Variants in KITLG observed in about 807,000 individuals in gnomAD.
KITLG encodes the protein KIT ligand.
KITLG carries 13 observed loss-of-function variants against 34.1 expected under a neutral mutation model. The observed-to-expected ratio is 0.38, with a 90% CI of 0.25 to 0.61. The LOEUF (loss-of-function observed/expected upper bound fraction) is 0.61, where lower values mean the gene tolerates loss of function less well. Among genes scored for constraint, KITLG ranks in the 20% least tolerant of loss-of-function variants. The pLI, the probability that KITLG is intolerant of heterozygous loss-of-function variation, is 0.60. For synonymous variants in KITLG, 110 were observed against 104.0 expected (o/e 1.06, Z -0.35); for missense variants, 292 against 318.9 (o/e 0.92, Z 0.64).
At chr12:88,534,525 C>G (rs893601783) in intron 2 of KITLG, among the ~76,000 whole-genome samples, 12 of 151,974 alleles carry the variant, frequency 7.9e-5, no homozygotes, top group African/African-American at 2.9e-4. Flanking sequence ...CACCACTACA[C>G]CTGGCTAATT....
intron 3 of KITLG, among the ~76,000 whole-genome samples, chr12:88,529,884 A>G (rs1033852234): frequency 6.6e-6 from 1 of 152,188 alleles, no homozygotes; most frequent in African/African-American, 2.4e-5. Flanking sequence ...GGCCAAGAAG[A>G]ACAGTGTTTC....
rs1036423584 is a variant in KITLG, at chr12:88,545,621, C to T, written c.129+131G>A. On this transcript the variant is annotated intron_variant, in intron 2 of 9. Coordinates refer to ENST00000644744, the MANE Select transcript of KITLG (RefSeq NM_000899.5). The stretch of plus-strand genomic sequence containing the variant: ...TTTCTATAAACCCTTTATTGTAACC[C>T]AGTGATTACTTTCCCCACTTTAGGA... 4 of 619,200 alleles carry T rather than the reference C, an allele frequency of 6.5e-6. No individual in the cohort carries two copies. The African/African-American group carries it at 7.4e-5, about 11-fold the overall frequency. 38.4% of individuals were successfully genotyped at this position (619,200 alleles called of 1,614,324 possible). A position where few individuals can be genotyped will look rare whatever the true frequency, so the allele number is the denominator to read the frequency against.
At chr12:88,523,036 TTAATC>T (rs1247649089) in intron 3 of KITLG, among the ~76,000 whole-genome samples, 1 of 152,206 alleles carries the variant, frequency 6.6e-6, no homozygotes, top group Non-Finnish European at 1.5e-5. Flanking sequence ...TCTAATCTGA[TTAATC>T]TAAATACCAG....
At chr12:88,526,551 C>A (rs570301204) in intron 3 of KITLG, among the ~76,000 whole-genome samples, 2 of 152,166 alleles carry the variant, frequency 1.3e-5, no homozygotes, top group African/African-American at 4.8e-5. Flanking sequence ...TAATGCAGAG[C>A]AAAAAGAATA....
intron 6 of KITLG, among the ~76,000 whole-genome samples, chr12:88,515,070 A>C (rs2120831832): frequency 6.6e-6 from 1 of 151,970 alleles, no homozygotes; most frequent in Middle Eastern, 3.4e-3. Context: ...CGCAATAGTA[A>C]ATACTGATAT....
intron 1 of KITLG, among the ~76,000 whole-genome samples, chr12:88,552,862 T>C (rs192256044): frequency 2.1e-4 from 32 of 152,292 alleles, no homozygotes; most frequent in Admixed American, 2.1e-3. Context: ...CTAATCTCCC[T>C]GAGTATCCAT....
At chr12:88,552,171 T>C (rs1268751493) in intron 1 of KITLG, among the ~76,000 whole-genome samples, 1 of 151,110 alleles carries the variant, frequency 6.6e-6, no homozygotes, top group African/African-American at 2.4e-5. Flanking sequence ...TTCAAAATTA[T>C]GATAATTTTT....
At chr12:88,560,009 C>T (rs1056473740) in intron 1 of KITLG, among the ~76,000 whole-genome samples, 1 of 152,196 alleles carries the variant, frequency 6.6e-6, no homozygotes, top group Admixed American at 6.5e-5. Flanking sequence ...AAACAGAGAA[C>T]GTTATCAAAG....
chr12:88,548,795 G>A (rs956088668), intron 1 of KITLG, among the ~76,000 whole-genome samples: 1 of 152,202 alleles, frequency 6.6e-6, no homozygotes, highest in Admixed American at 6.5e-5. Context: ...TCCCTTGGAG[G>A]AAGTATAGAT....
chr12:88,498,885 T>C (rs1234844691), intron 9 of KITLG, among the ~76,000 whole-genome samples: 1 of 151,846 alleles, frequency 6.6e-6, no homozygotes, highest in Non-Finnish European at 1.5e-5. Flanking sequence ...AGAAAGACTC[T>C]CAAGAAAGAA....
At chr12:88,518,957 T>G (rs978588920) in intron 3 of KITLG, 90 bp from the exon 4 acceptor site, 1 of 1,150,954 alleles carries the variant, frequency 8.7e-7, no homozygotes, top group African/African-American at 1.5e-5. Context: ...TCGTTTTAGT[T>G]ACTCAAGTGA....
intron 2 of KITLG, among the ~76,000 whole-genome samples, chr12:88,537,450 G>A (rs535577791): frequency 1.6e-4 from 25 of 151,820 alleles, no homozygotes; most frequent in Admixed American, 3.9e-4. Flanking sequence ...AATAAAGATG[G>A]CAACAATAGA....
intron 1 of KITLG, among the ~76,000 whole-genome samples, chr12:88,560,235 T>C (rs1290101553): frequency 6.6e-6 from 1 of 152,232 alleles, no homozygotes; most frequent in East Asian, 1.9e-4. Context: ...TTTTGTTAAT[T>C]ACAGTTAATA....
chr12:88,532,545 A>G, intron 2 of KITLG, 42 bp from the exon 3 acceptor site: 1 of 1,310,698 alleles, frequency 7.6e-7, no homozygotes, highest in Non-Finnish European at 1.1e-6. Flanking sequence ...AAATTCTTAT[A>G]CATCAATTAA....
intron 1 of KITLG, among the ~76,000 whole-genome samples, chr12:88,547,517 G>C (rs1187951704): frequency 1.3e-5 from 2 of 152,040 alleles, no homozygotes; most frequent in Non-Finnish European, 2.9e-5. Context: ...TCTTCTTTTT[G>C]GACAGACAAC....
At chr12:88,506,962 AG>A in intron 7 of KITLG, 65 bp downstream of exon 7, 1 of 912,842 alleles carries the variant, frequency 1.1e-6, no homozygotes, top group Non-Finnish European at 1.8e-6. Context: ...TCATTTCTTG[AG>A]GAAAAAAAGA....
chr12:88,568,881 A>G (rs1871545769), intron 1 of KITLG, among the ~76,000 whole-genome samples: 1 of 152,226 alleles, frequency 6.6e-6, no homozygotes, highest in South Asian at 2.1e-4. Context: ...AGGAAGCTGC[A>G]AAGTATTATT....
intron 1 of KITLG, among the ~76,000 whole-genome samples, chr12:88,575,095 A>G (rs1871785629): frequency 6.6e-6 from 1 of 152,224 alleles, no homozygotes; most frequent in Non-Finnish European, 1.5e-5. Context: ...TCTGGTTCAA[A>G]TATCTATTTT....
intron 9 of KITLG, among the ~76,000 whole-genome samples, chr12:88,503,960 A>T (rs1463565023): frequency 6.6e-6 from 1 of 152,196 alleles, no homozygotes; most frequent in African/African-American, 2.4e-5. Context: ...CACATGGGAT[A>T]CAGTCATGTT....
Sources: gnomAD v4.1 joint callset for allele counts (sites outside exome capture counted in the v4.1 genomes callset) on GRCh38, gnomAD v4.1.1 for gene constraint, MANE v1.5 for transcripts, NCBI Gene and HGNC (gene_info 2026-07-23, HGNC 2026-07-21) for gene names.